LRRC49: variants seen among roughly 807,000 people sequenced by gnomAD.
LRRC49 encodes leucine rich repeat containing 49.
A neutral mutation model predicts 83.3 loss-of-function variants in LRRC49; 50 were observed. The ratio of observed to expected loss-of-function variants is 0.60; its 90% CI spans 0.48 to 0.76. The LOEUF (loss-of-function observed/expected upper bound fraction) is 0.76, where lower values mean the gene tolerates loss of function less well. LRRC49 is among the 30% of genes least tolerant of loss of function. The pLI, the probability that LRRC49 is intolerant of heterozygous loss-of-function variation, is 0.00. For synonymous variants in LRRC49, 286 were observed against 283.3 expected (o/e 1.01, Z -0.10); for missense variants, 704 against 809.1 (o/e 0.87, Z 1.58).
intron 6 of LRRC49, among the ~76,000 whole-genome samples, chr15:70,914,029 G>T (rs1466581336): frequency 2.0e-5 from 3 of 151,772 alleles, no homozygotes; most frequent in African/African-American, 7.2e-5. Flanking sequence ...CATTTGTAGT[G>T]CACAAATTAC....
chr15:71,044,659 G>A (rs115033480), intron 15 of LRRC49, among the ~76,000 whole-genome samples: 1,824 of 151,834 alleles, frequency 0.012, 42 homozygotes, highest in African/African-American at 0.042. Context: ...GGTGGTGCAC[G>A]CCTGTGGTCA....
At chr15:71,001,418 G>A (rs763073576) in intron 11 of LRRC49, among the ~76,000 whole-genome samples, 2 of 152,136 alleles carry the variant, frequency 1.3e-5, no homozygotes, top group Non-Finnish European at 2.9e-5. Flanking sequence ...CATACTTACT[G>A]TTAGTTGCTT....
At chr15:70,879,745 A>G (rs1267185966) in intron 2 of LRRC49, among the ~76,000 whole-genome samples, 2 of 152,182 alleles carry the variant, frequency 1.3e-5, no homozygotes, top group Non-Finnish European at 2.9e-5. Context: ...TAGGCCAGTA[A>G]GCCTGCAGCT....
intron 8 of LRRC49, among the ~76,000 whole-genome samples, chr15:70,950,135 A>G (rs1345285854): frequency 6.6e-6 from 1 of 152,122 alleles, no homozygotes; most frequent in Non-Finnish European, 1.5e-5. Flanking sequence ...GCTGCAAAAG[A>G]TATTTCATTA....
rs546188937 is a variant in LRRC49, at chr15:70,912,826, G to A, written c.567+1228G>A. ...TGAGTAGCTGGGACTACAGGTGCCCGCCACCATACCCGGCTAATTTTTTTG... is the reference window on the plus strand; with the variant it reads ...TGAGTAGCTGGGACTACAGGTGCCCACCACCATACCCGGCTAATTTTTTTG... On this transcript the variant is annotated intron_variant, in intron 6 of 15. Transcript: ENST00000260382. Among the ~76,000 whole-genome samples, 251 of 151,980 alleles carry A rather than the reference G, an allele frequency of 1.7e-3. 1 individual carries two copies. The highest frequency in any genetic ancestry group is 3.1e-3 in the Non-Finnish European group (212 of 67,942).
At chr15:70,946,908 T>C (rs553244603) in intron 8 of LRRC49, among the ~76,000 whole-genome samples, 1 of 152,170 alleles carries the variant, frequency 6.6e-6, no homozygotes, top group African/African-American at 2.4e-5. Context: ...TCCCTTTTTT[T>C]TCATAAAACT....
intron 8 of LRRC49, among the ~76,000 whole-genome samples, chr15:70,951,467 C>T (rs1489970596): frequency 3.3e-5 from 5 of 151,978 alleles, no homozygotes; most frequent in Admixed American, 3.3e-4. Context: ...TCATTGTAGA[C>T]ATCTTTCCCC....
In LRRC49 at chr15:71,050,574, G is replaced by A. The variant is rs563532653; in HGVS notation, c.*962G>A. The A allele has an allele frequency of 7.2e-5, 11 of 152,210 alleles. No individual in the cohort carries two copies. In the South Asian group the frequency reaches 8.3e-4, roughly 11 times the overall value. The allele number at this position is 152,210 out of a possible 1,614,324, so 9.4% of individuals were successfully genotyped here. A position where few individuals can be genotyped will look rare whatever the true frequency, so the allele number is the denominator to read the frequency against. On this transcript the variant is annotated 3_prime_UTR_variant, in exon 16 of 16. Transcript: ENST00000260382. The stretch of plus-strand genomic sequence containing the variant: ...CTTAGTCAATAAATAGGAATTTTTC[G>A]GTTTGCTTAGATTTTACCTAGCAGC...
At chr15:71,029,031 T>A (rs1367757685) in intron 14 of LRRC49, among the ~76,000 whole-genome samples, 1 of 152,222 alleles carries the variant, frequency 6.6e-6, no homozygotes, top group African/African-American at 2.4e-5. Context: ...CTTTTAATTG[T>A]AACGTTAGGG....
intron 11 of LRRC49, among the ~76,000 whole-genome samples, chr15:71,005,488 C>G (rs1008739887): frequency 1.3e-5 from 2 of 152,086 alleles, no homozygotes; most frequent in African/African-American, 2.4e-5. Flanking sequence ...AATAAATTCT[C>G]CACAAAAACC....
exon 2 of LRRC49, chr15:70,873,193 A>G (rs2033087213): frequency 2.6e-6 from 4 of 1,536,028 alleles, no homozygotes; most frequent in Non-Finnish European, 3.5e-6. Flanking sequence ...CCAACTTGAC[A>G]TAACTTTTAA....
chr15:71,009,089 A>G (rs975950008), intron 12 of LRRC49, among the ~76,000 whole-genome samples: 5 of 151,880 alleles, frequency 3.3e-5, no homozygotes, highest in African/African-American at 1.2e-4. Flanking sequence ...ATGCATTTGT[A>G]GAAACTGTGA....
At chr15:70,927,514 G>T (rs1183453109) in intron 7 of LRRC49, among the ~76,000 whole-genome samples, 1 of 152,002 alleles carries the variant, frequency 6.6e-6, no homozygotes, top group Non-Finnish European at 1.5e-5. Flanking sequence ...TTTGTTAGTT[G>T]TTATTATCTT....
intron 15 of LRRC49, among the ~76,000 whole-genome samples, chr15:71,040,934 C>A (rs999466021): frequency 6.6e-6 from 1 of 151,938 alleles, no homozygotes; most frequent in East Asian, 1.9e-4. Context: ...CTGCAAGAAG[C>A]TTTTAGGACC....
At chr15:70,867,203 T>C (rs945363307) in intron 1 of LRRC49, among the ~76,000 whole-genome samples, 2 of 151,936 alleles carry the variant, frequency 1.3e-5, no homozygotes, top group Non-Finnish European at 2.9e-5. Flanking sequence ...GTGACGGGAA[T>C]CCTCATATCA....
At chr15:70,892,664 G>A, upstream of LRRC49, 1 of 1,448,378 alleles carries the variant, frequency 6.9e-7, no homozygotes, top group Non-Finnish European at 9.0e-7. Flanking sequence ...TATGAGGCTG[G>A]GAAAATAGAA....
At chr15:70,908,202 G>A (rs1268616109) in intron 5 of LRRC49, among the ~76,000 whole-genome samples, 1 of 152,214 alleles carries the variant, frequency 6.6e-6, no homozygotes, top group Non-Finnish European at 1.5e-5. Flanking sequence ...AATACCAGAA[G>A]TCATGTTATA....
intron 1 of LRRC49, chr15:70,853,797 C>G (rs1162409094): frequency 1.0e-6 from 1 of 971,602 alleles, no homozygotes; most frequent in African/African-American, 1.7e-5. Context: ...CCCCTCTGCC[C>G]GAGGAGTTGT....
At chr15:71,026,562 G>A (rs935738245) in intron 14 of LRRC49, among the ~76,000 whole-genome samples, 11 of 152,014 alleles carry the variant, frequency 7.2e-5, no homozygotes, top group African/African-American at 2.7e-4. Context: ...CCCCAGCCTG[G>A]GTGACAGAGC....
Sources: allele counts gnomAD v4.1 joint callset (sites outside exome capture counted in the v4.1 genomes callset), GRCh38; gene constraint gnomAD v4.1.1; transcripts MANE v1.5; gene names NCBI Gene and HGNC (gene_info 2026-07-23, HGNC 2026-07-21).